Variants in CTNNBL1 observed in about 807,000 individuals in gnomAD.
The protein encoded by CTNNBL1 is catenin beta like 1.
CTNNBL1 carries 31 observed loss-of-function variants against 72.7 expected under a neutral mutation model. The ratio of observed to expected loss-of-function variants is 0.43; its 90% CI spans 0.32 to 0.58. CTNNBL1 has a LOEUF of 0.58. Ranked by LOEUF, CTNNBL1 falls within the 20% of genes least tolerant of loss-of-function variation. The probability of loss-of-function intolerance (pLI) is 0.08; values close to 1 mark genes in which losing one functional copy is unlikely to be tolerated. For missense variants in CTNNBL1, 534 were observed against 725.1 expected (o/e 0.74, Z 3.03); for synonymous variants, 240 against 267.3 (o/e 0.90, Z 1.00).
rs1179984455 is a variant in CTNNBL1 at position 37,762,929 on chromosome 20, A to G, written c.565-2268A>G. On this transcript the variant is annotated intron_variant, in intron 5 of 15. Transcript: ENST00000361383. ...CTCCAGCCAGAGGCCCATTATCCATAACCATTCAGCTCTAGGACTTAAATG... is the reference window on the plus strand; with the variant it reads ...CTCCAGCCAGAGGCCCATTATCCATGACCATTCAGCTCTAGGACTTAAATG... Among the ~76,000 whole-genome samples, 4 of 152,288 alleles carry G rather than the reference A, an allele frequency of 2.6e-5. No homozygotes were observed. The East Asian group carries it at 5.8e-4, about 22-fold the overall frequency.
intron 12 of CTNNBL1, 151 bp downstream of exon 12, chr20:37,840,350 T>C (rs1319589676): frequency 1.6e-6 from 1 of 620,328 alleles, no homozygotes; most frequent in Non-Finnish European, 2.9e-6. Context: ...TCAAAGGCTC[T>C]TCTGGTTATT....
chr20:37,708,526 G>A (rs1223008529), intron 1 of CTNNBL1, among the ~76,000 whole-genome samples: 1 of 152,092 alleles, frequency 6.6e-6, no homozygotes, highest in African/African-American at 2.4e-5. Context: ...AAAAAGCACA[G>A]TATCTGCAAA....
intron 1 of CTNNBL1, among the ~76,000 whole-genome samples, chr20:37,704,348 C>T (rs1260293039): frequency 2.0e-5 from 3 of 152,074 alleles, no homozygotes; most frequent in Non-Finnish European, 4.4e-5. Context: ...ATGGAGGGAG[C>T]GCTGCACCTT....
At chr20:37,838,367 A>C (rs186727437) in intron 11 of CTNNBL1, among the ~76,000 whole-genome samples, 7 of 152,284 alleles carry the variant, frequency 4.6e-5, no homozygotes, top group Middle Eastern at 3.4e-3. Flanking sequence ...AATGAGGGTA[A>C]TGTAGTAGCA....
intron 10 of CTNNBL1, among the ~76,000 whole-genome samples, chr20:37,794,556 G>A (rs1057299231): frequency 6.6e-5 from 10 of 151,962 alleles, no homozygotes; most frequent in Non-Finnish European, 8.8e-5. Context: ...GCAGTGGTGC[G>A]ATCTTGGCTC....
chr20:37,739,648 G>A (rs746942828), intron 3 of CTNNBL1, among the ~76,000 whole-genome samples: 1 of 152,092 alleles, frequency 6.6e-6, no homozygotes, highest in Non-Finnish European at 1.5e-5. Flanking sequence ...CTCTTTTCTT[G>A]TGTTCTTGCC....
intron 2 of CTNNBL1, among the ~76,000 whole-genome samples, chr20:37,733,756 A>T (rs1325584690): frequency 1.3e-5 from 2 of 151,990 alleles, no homozygotes; most frequent in African/African-American, 2.4e-5. Flanking sequence ...TATTTTGTAT[A>T]TTGTCTGCAT....
intron 1 of CTNNBL1, among the ~76,000 whole-genome samples, chr20:37,725,079 A>T (rs2073072220): frequency 6.6e-6 from 1 of 151,460 alleles, no homozygotes; most frequent in South Asian, 2.1e-4. Flanking sequence ...CTAATTTTTT[A>T]AATTTTTTAT....
At chr20:37,701,497 A>T (rs1251097903) in intron 1 of CTNNBL1, among the ~76,000 whole-genome samples, 1 of 152,216 alleles carries the variant, frequency 6.6e-6, no homozygotes, top group African/African-American at 2.4e-5. Flanking sequence ...AACTCTATGA[A>T]TAAAAGTATT....
chr20:37,728,646 G>C (rs2073104806), intron 1 of CTNNBL1, among the ~76,000 whole-genome samples: 1 of 152,194 alleles, frequency 6.6e-6, no homozygotes, highest in African/African-American at 2.4e-5. Context: ...GAGAAATGAA[G>C]AGAAGTTCTT....
At chr20:37,718,264 G>A (rs1160277383) in intron 1 of CTNNBL1, among the ~76,000 whole-genome samples, 1 of 143,786 alleles carries the variant, frequency 7.0e-6, no homozygotes, top group Non-Finnish European at 1.5e-5. Context: ...CTCCCGGACG[G>A]GGTGGCTGGC....
rs1047303157 is a variant in CTNNBL1, at chr20:37,815,378, C to T, written c.1213+12330C>T. Reference sequence around the variant, plus strand: ...TGTTGCCCAGGCTGGAGTACGATGGCGCCATCTCAGCTCACTGCAACCTCC... The same window carrying T: ...TGTTGCCCAGGCTGGAGTACGATGGTGCCATCTCAGCTCACTGCAACCTCC... On this transcript the variant is annotated intron_variant, in intron 11 of 15. Transcript: ENST00000361383. Among the ~76,000 whole-genome samples, 4 of 149,724 alleles carry T rather than the reference C, an allele frequency of 2.7e-5. 1 individual carries two copies. The highest frequency in any genetic ancestry group is 4.2e-4 in the South Asian group (2 of 4,714).
intron 12 of CTNNBL1, 140 bp downstream of exon 12, chr20:37,840,339 G>A (rs2072293363): frequency 1.6e-6 from 1 of 637,832 alleles, no homozygotes; most frequent in Admixed American, 2.6e-5. Flanking sequence ...TGCTTTGCGT[G>A]TCAAAGGCTC....
intron 13 of CTNNBL1, among the ~76,000 whole-genome samples, chr20:37,843,137 C>T (rs748590509): frequency 6.6e-6 from 1 of 152,214 alleles, no homozygotes; most frequent in Non-Finnish European, 1.5e-5. Flanking sequence ...TTTCCTATCA[C>T]TGTTTAATGT....
At chr20:37,825,717 A>T (rs1480227818) in intron 11 of CTNNBL1, among the ~76,000 whole-genome samples, 1 of 152,116 alleles carries the variant, frequency 6.6e-6, no homozygotes, top group Admixed American at 6.5e-5. Flanking sequence ...GGCAACTGGC[A>T]GTCTCAGCCA....
chr20:37,814,682 A>C (rs2122758882), intron 11 of CTNNBL1, among the ~76,000 whole-genome samples: 1 of 152,278 alleles, frequency 6.6e-6, no homozygotes, highest in South Asian at 2.1e-4. Flanking sequence ...CTGGGGCTCC[A>C]AGCATCTATA....
At chr20:37,828,002 C>T (rs2072175092) in intron 11 of CTNNBL1, among the ~76,000 whole-genome samples, 1 of 152,158 alleles carries the variant, frequency 6.6e-6, no homozygotes, top group South Asian at 2.1e-4. Context: ...CTTTGTTGCC[C>T]TGATAAATTC....
intron 1 of CTNNBL1, among the ~76,000 whole-genome samples, chr20:37,725,309 T>C (rs2073074405): frequency 6.6e-6 from 1 of 152,070 alleles, no homozygotes; most frequent in Admixed American, 6.5e-5. Flanking sequence ...GATTTTTTTT[T>C]TTTGAGGCGG....
chr20:37,780,658 A>G (rs61532768), intron 10 of CTNNBL1, among the ~76,000 whole-genome samples: 15,327 of 152,098 alleles, frequency 0.1, 1,233 homozygotes, highest in African/African-American at 0.22. Flanking sequence ...GATATTTCCA[A>G]TGTTTTGCCG....
Sources: allele counts gnomAD v4.1 joint callset (sites outside exome capture counted in the v4.1 genomes callset), GRCh38; gene constraint gnomAD v4.1.1; transcripts MANE v1.5; gene names NCBI Gene and HGNC (gene_info 2026-07-23, HGNC 2026-07-21).